The following FHIT variants were observed in gnomAD, a reference collection of about 807,000 sequenced individuals.
FHIT encodes the protein bis(5'-adenosyl)-triphosphatase.
A neutral mutation model predicts 17.9 loss-of-function variants in FHIT; 19 were observed. The ratio of observed to expected loss-of-function variants is 1.06; its 90% CI spans 0.74 to 1.56. The LOEUF is 1.56. Ranked by LOEUF, FHIT falls within the 40% of genes most tolerant of loss-of-function variation. FHIT has a pLI of 0.00. For synonymous variants in FHIT, 81 were observed against 69.7 expected (o/e 1.16, Z -0.81); for missense variants, 248 against 189.2 (o/e 1.31, Z -1.82).
At chr3:60,092,870 A>T (rs1240226050) in intron 5 of FHIT, among the ~76,000 whole-genome samples, 2 of 152,224 alleles carry the variant, frequency 1.3e-5, no homozygotes, top group Non-Finnish European at 2.9e-5. Flanking sequence ...AGGGAGCAGA[A>T]AAGAGAAAAT....
Position 60,173,915 on chromosome 3 carries a change from A to ATATATATATATATATATATTT in FHIT, c.104-159764_104-159763insAAATATATATATATATATATA. Among the ~76,000 whole-genome samples, 5 of 66,434 alleles carry ATATATATATATATATATATTT rather than the reference A, an allele frequency of 7.5e-5. 1 individual carries two copies. Among genetic ancestry groups the ATATATATATATATATATATTT allele is most frequent in the Non-Finnish European group, 1.4e-4 (5 of 36,118 alleles). 43.6% of individuals were successfully genotyped at this position (66,434 alleles called of 152,430 possible). On this transcript the variant is annotated intron_variant, in intron 5 of 9. Coordinates refer to ENST00000492590, the MANE Select transcript of FHIT (RefSeq NM_002012.4). Reference sequence around the variant, plus strand: ...TATATATATATATATATATATATATATGTTTTTTTTTTTTTTTGAGATCGA... The same window carrying ATATATATATATATATATATTT: ...TATATATATATATATATATATATATATATATATATATATATATATTTTGTTTTTTTTTTTTTTTGAGATCGA...
intron 3 of FHIT, among the ~76,000 whole-genome samples, chr3:60,947,026 C>T (rs1278882045): frequency 1.3e-5 from 2 of 152,030 alleles, no homozygotes; most frequent in Non-Finnish European, 2.9e-5. Context: ...TTGGATGGGG[C>T]AGAACAGTAA....
chr3:59,920,535 T>A (rs1307838100), intron 8 of FHIT, among the ~76,000 whole-genome samples: 1 of 152,178 alleles, frequency 6.6e-6, no homozygotes, highest in Non-Finnish European at 1.5e-5. Context: ...TGAACTGGGC[T>A]GAAAAGTAAC....
chr3:60,690,432 G>A (rs782044208), intron 4 of FHIT: 8 of 580,166 alleles, frequency 1.4e-5, no homozygotes, highest in Non-Finnish European at 2.7e-5. Flanking sequence ...TGGACAGGAT[G>A]CCAGGACCTG....
In FHIT at chr3:60,860,436, A is replaced by G. The variant is rs537941998; in HGVS notation, c.-110-38425T>C. ...TCATATGTATATATGATACATATATATCATGTATATATGATACATATGTAC... is the reference window on the plus strand; with the variant it reads ...TCATATGTATATATGATACATATATGTCATGTATATATGATACATATGTAC... On this transcript the variant is annotated intron_variant, in intron 3 of 9. Transcript: ENST00000492590. 3.7e-5 allele frequency among the ~76,000 whole-genome samples: 5 copies of G among 135,316 alleles called. No homozygotes were observed. In the Admixed American group the frequency reaches 3.9e-4, roughly 10 times the overall value. The allele number at this position is 135,316 out of a possible 152,430, so 88.8% of individuals were successfully genotyped here. A position where few individuals can be genotyped will look rare whatever the true frequency, so the allele number is the denominator to read the frequency against.
At chr3:59,908,196 G>C (rs1191129911) in intron 8 of FHIT, among the ~76,000 whole-genome samples, 1 of 152,212 alleles carries the variant, frequency 6.6e-6, no homozygotes, top group East Asian at 1.9e-4. Context: ...CCATCCCTTT[G>C]AATTTGAGAC....
intron 5 of FHIT, among the ~76,000 whole-genome samples, chr3:60,022,860 T>C (rs184087736): frequency 1.3e-5 from 2 of 152,336 alleles, no homozygotes; most frequent in East Asian, 1.9e-4. Context: ...CTTAATGATA[T>C]AGAAGTCATT....
intron 6 of FHIT, 117 bp downstream of exon 6, chr3:60,013,890 G>A: frequency 9.3e-7 from 1 of 1,074,510 alleles, no homozygotes. Flanking sequence ...TTTTTTGGCT[G>A]CTACCTAAAA....
chr3:59,971,062 C>G (rs1327642043), intron 7 of FHIT, among the ~76,000 whole-genome samples: 1 of 152,008 alleles, frequency 6.6e-6, no homozygotes, highest in Admixed American at 6.6e-5. Flanking sequence ...TGGAGAAACT[C>G]TGAAATTGGG....
chr3:60,416,787 G>A (rs527528466), intron 5 of FHIT, among the ~76,000 whole-genome samples: 7 of 152,166 alleles, frequency 4.6e-5, no homozygotes, highest in Non-Finnish European at 8.8e-5. Context: ...TTACTGTAGC[G>A]TTAAAAATCT....
At chr3:60,648,918 T>TG (rs1263349432) in intron 4 of FHIT, among the ~76,000 whole-genome samples, 2 of 152,242 alleles carry the variant, frequency 1.3e-5, no homozygotes, top group East Asian at 3.9e-4. Flanking sequence ...GCTGTGGCAG[T>TG]GGTGGAGGAA....
At chr3:60,576,239 A>T (rs1475171054) in intron 4 of FHIT, among the ~76,000 whole-genome samples, 6 of 29,310 alleles carry the variant, frequency 2.0e-4, no homozygotes, top group African/African-American at 4.4e-4. Context: ...AAATTTTTTT[A>T]AAAAATACAA....
At chr3:61,148,481 C>A (rs933198258) in intron 2 of FHIT, among the ~76,000 whole-genome samples, 1 of 152,008 alleles carries the variant, frequency 6.6e-6, no homozygotes, top group Non-Finnish European at 1.5e-5. Context: ...TTTGTGGCTT[C>A]TTTTGGCAAC....
intron 8 of FHIT, among the ~76,000 whole-genome samples, chr3:59,889,468 C>G (rs1238230749): frequency 6.6e-6 from 1 of 152,212 alleles, no homozygotes; most frequent in Non-Finnish European, 1.5e-5. Flanking sequence ...TCCCCATACC[C>G]TCAAATTACA....
At chr3:60,560,994 A>T (rs1381339898) in intron 4 of FHIT, among the ~76,000 whole-genome samples, 1 of 152,038 alleles carries the variant, frequency 6.6e-6, no homozygotes, top group African/African-American at 2.4e-5. Flanking sequence ...TATACACAGC[A>T]GTGAGCAAAG....
intron 1 of FHIT, among the ~76,000 whole-genome samples, chr3:61,204,174 T>C (rs1020586732): frequency 1.3e-5 from 2 of 152,112 alleles, no homozygotes; most frequent in Admixed American, 1.3e-4. Flanking sequence ...ATATAAAGTA[T>C]AAGTGGTACA....
Position 60,362,094 on chromosome 3 carries a change from G to A in FHIT, c.103+174766C>T, listed in dbSNP as rs6780851. On this transcript the variant is annotated intron_variant, in intron 5 of 9. Coordinates refer to ENST00000492590, the MANE Select transcript of FHIT (RefSeq NM_002012.4). The stretch of plus-strand genomic sequence containing the variant: ...AGATTTAAAAAAAAATAATTTTATT[G>A]TGTGCATTTGAAGTTTATAGCATGA... 2.3e-3 allele frequency among the ~76,000 whole-genome samples: 353 copies of A among 152,108 alleles called. 6 individuals carry two copies. The highest frequency in any genetic ancestry group is 8.1e-3 in the African/African-American group (338 of 41,488).
At chr3:59,969,009 C>G (rs1458419515) in intron 7 of FHIT, among the ~76,000 whole-genome samples, 1 of 152,140 alleles carries the variant, frequency 6.6e-6, no homozygotes, top group Non-Finnish European at 1.5e-5. Flanking sequence ...CTCTAATGAA[C>G]ATATTTTGGG....
At position 60,206,485 on chromosome 3, in the gene FHIT, T is replaced by C. The variant is rs949972577; in HGVS notation, c.104-192333A>G. On this transcript the variant is annotated intron_variant, in intron 5 of 9. Coordinates refer to ENST00000492590, the MANE Select transcript of FHIT (RefSeq NM_002012.4). The stretch of plus-strand genomic sequence containing the variant: ...GATTTATTGCCAAAAGCACAATTTT[T>C]TTCTTTTGTTTTGACTTAACATGCC... Among the ~76,000 whole-genome samples, 273 of 152,274 alleles carry C rather than the reference T, an allele frequency of 1.8e-3. 3 individuals carry two copies. The highest frequency in any genetic ancestry group is 6.3e-3 in the African/African-American group (263 of 41,554).
Sources: gnomAD v4.1 joint callset for allele counts (sites outside exome capture counted in the v4.1 genomes callset) on GRCh38, gnomAD v4.1.1 for gene constraint, MANE v1.5 for transcripts, NCBI Gene and HGNC (gene_info 2026-07-23, HGNC 2026-07-21) for gene names.